Variants in TOPAZ1 observed in about 807,000 individuals in gnomAD.
TOPAZ1 encodes the protein protein TOPAZ1.
Under a neutral mutation model 172.2 loss-of-function variants are expected in TOPAZ1, and 66 were observed. The observed-to-expected ratio is 0.38, with a 90% confidence interval of 0.31 to 0.47. TOPAZ1 has a LOEUF of 0.47. Ranked by LOEUF, TOPAZ1 falls within the 20% of genes least tolerant of loss-of-function variation. The probability of loss-of-function intolerance (pLI) is 0.99; values close to 1 mark genes in which losing one functional copy is unlikely to be tolerated. For synonymous variants in TOPAZ1, 681 were observed against 683.9 expected (o/e 1.00, Z 0.07); for missense variants, 1,822 against 1,972.4 (o/e 0.92, Z 1.44).
At chr3:44,257,439 T>A (rs1346679182) in intron 4 of TOPAZ1, among the ~76,000 whole-genome samples, 1 of 139,558 alleles carries the variant, frequency 7.2e-6, no homozygotes, top group East Asian at 2.0e-4. Context: ...ATATATAAAA[T>A]GTGTGTGTAT....
chr3:44,316,251 A>C (rs1228832952), intron 16 of TOPAZ1, among the ~76,000 whole-genome samples: 2 of 152,178 alleles, frequency 1.3e-5, no homozygotes, highest in African/African-American at 2.4e-5. Flanking sequence ...GTCTCAAAAA[A>C]AATAAATAAA....
At chr3:44,325,809 A>G in intron 18 of TOPAZ1, among the ~76,000 whole-genome samples, 1 of 152,062 alleles carries the variant, frequency 6.6e-6, no homozygotes, top group East Asian at 1.9e-4. Flanking sequence ...ATGCGCAGCT[A>G]ATTTTGTATT....
intron 8 of TOPAZ1, among the ~76,000 whole-genome samples, chr3:44,277,688 GT>G (rs1296235965): frequency 6.6e-6 from 1 of 152,240 alleles, no homozygotes; most frequent in Non-Finnish European, 1.5e-5. Flanking sequence ...GGTGGAAGGT[GT>G]TTGGGTGATG....
chr3:44,246,613 TGAA>T (rs1699569835), intron 2 of TOPAZ1, among the ~76,000 whole-genome samples: 1 of 152,102 alleles, frequency 6.6e-6, no homozygotes, highest in African/African-American at 2.4e-5. Flanking sequence ...TGGAAAAAAA[TGAA>T]GACAAATTTG....
chr3:44,332,604 T>G (rs973233243), downstream of TOPAZ1, among the ~76,000 whole-genome samples: 3 of 152,142 alleles, frequency 2.0e-5, no homozygotes, highest in African/African-American at 7.2e-5. Flanking sequence ...AAAACTTAAT[T>G]ATCTAAACAA....
intron 12 of TOPAZ1, among the ~76,000 whole-genome samples, chr3:44,297,809 A>G (rs1700216699): frequency 1.3e-5 from 2 of 152,194 alleles, no homozygotes; most frequent in South Asian, 2.1e-4. Flanking sequence ...ACAAAAATCA[A>G]CACAAAAATC....
intron 12 of TOPAZ1, among the ~76,000 whole-genome samples, chr3:44,296,682 A>C (rs1279168643): frequency 6.6e-6 from 1 of 152,082 alleles, no homozygotes; most frequent in African/African-American, 2.4e-5. Context: ...GCTTCCAAAA[A>C]AGACATTTCA....
chr3:44,250,487 CTTATT>C (rs1194690908), intron 2 of TOPAZ1, among the ~76,000 whole-genome samples: 2 of 151,948 alleles, frequency 1.3e-5, no homozygotes, highest in African/African-American at 2.4e-5. Context: ...AGATACATTA[CTTATT>C]TTATTTAGTG....
At chr3:44,247,118 A>C (rs1699576179) in intron 2 of TOPAZ1, among the ~76,000 whole-genome samples, 1 of 152,216 alleles carries the variant, frequency 6.6e-6, no homozygotes, top group Non-Finnish European at 1.5e-5. Flanking sequence ...GAAATCCACC[A>C]CCCAAATAAC....
chr3:44,264,850 A>C (rs954935212), intron 5 of TOPAZ1, among the ~76,000 whole-genome samples: 1 of 152,242 alleles, frequency 6.6e-6, no homozygotes, highest in Admixed American at 6.5e-5. Flanking sequence ...TTGCTCATCC[A>C]TAAGAAGCAA....
At chr3:44,318,555 C>A (rs1289977688) in intron 16 of TOPAZ1, among the ~76,000 whole-genome samples, 1 of 151,866 alleles carries the variant, frequency 6.6e-6, no homozygotes, top group African/African-American at 2.4e-5. Context: ...CCCAACAACT[C>A]AGAATTCGAC....
intron 12 of TOPAZ1, among the ~76,000 whole-genome samples, chr3:44,298,232 G>A (rs1214749642): frequency 5.9e-5 from 9 of 152,166 alleles, no homozygotes. Context: ...GGGAGGGAGA[G>A]GCAGGCAGAT....
At chr3:44,318,187 C>T (rs1700471214) in intron 16 of TOPAZ1, among the ~76,000 whole-genome samples, 1 of 152,070 alleles carries the variant, frequency 6.6e-6, no homozygotes, top group Non-Finnish European at 1.5e-5. Context: ...GTGGCTCACG[C>T]CTGTAATCCC....
chr3:44,307,387 T>C (rs1700347843), intron 15 of TOPAZ1, among the ~76,000 whole-genome samples: 1 of 152,184 alleles, frequency 6.6e-6, no homozygotes, highest in Admixed American at 6.5e-5. Context: ...AAATCACCTC[T>C]TAGAATACCT....
At chr3:44,248,906 A>G (rs73086561) in intron 2 of TOPAZ1, among the ~76,000 whole-genome samples, 10,832 of 152,268 alleles carry the variant, frequency 0.071, 528 homozygotes, top group Middle Eastern at 0.12. Flanking sequence ...AAGGTGTCTA[A>G]GTCATGATAG....
At chr3:44,323,069 T>G (rs1195066965) in intron 17 of TOPAZ1, 23 bp from the exon 18 acceptor site, 2 of 1,441,702 alleles carry the variant, frequency 1.4e-6, no homozygotes, top group Non-Finnish European at 1.9e-6. Context: ...ATGAATTTTA[T>G]TATATCATTT....
At chr3:44,334,778 A>G (rs1700705715), downstream of TOPAZ1, among the ~76,000 whole-genome samples, 1 of 152,214 alleles carries the variant, frequency 6.6e-6, no homozygotes, top group South Asian at 2.1e-4. Flanking sequence ...CCACTTCTCC[A>G]GACACATTAA....
Position 44,281,251 on chromosome 3 carries a change from T to C in TOPAZ1, c.3373-717T>C, listed in dbSNP as rs1462677498. On this transcript the variant is annotated intron_variant, in intron 8 of 19. Coordinates refer to ENST00000309765, the MANE Select transcript of TOPAZ1 (RefSeq NM_001145030.2). The stretch of plus-strand genomic sequence containing the variant: ...GCAAAATCCCACTGAACTGCATTCA[T>C]CCATTTGGCTCACCATGCCATCACT... 3.3e-5 allele frequency among the ~76,000 whole-genome samples: 5 copies of C among 152,204 alleles called. No homozygotes were observed. The South Asian group carries it at 1.0e-3, about 32-fold the overall frequency.
chr3:44,303,414 C>T (rs1700297686), intron 12 of TOPAZ1, among the ~76,000 whole-genome samples: 2 of 148,514 alleles, frequency 1.3e-5, no homozygotes, highest in South Asian at 4.3e-4. Flanking sequence ...CAAAAATTGC[C>T]TTCTTTAAAT....
Sources: allele counts gnomAD v4.1 joint callset (sites outside exome capture counted in the v4.1 genomes callset), GRCh38; gene constraint gnomAD v4.1.1; transcripts MANE v1.5; gene names NCBI Gene and HGNC (gene_info 2026-07-23, HGNC 2026-07-21).